Variants in CAMSAP1 observed in about 807,000 individuals in gnomAD.
The protein encoded by CAMSAP1 is calmodulin regulated spectrin associated protein 1, also known as calmodulin-regulated spectrin-associated protein 1.
A neutral mutation model predicts 143.5 loss-of-function variants in CAMSAP1; 58 were observed. The observed-to-expected ratio is 0.40, with a 90% CI of 0.33 to 0.50. CAMSAP1 has a LOEUF of 0.50. Among genes scored for constraint, CAMSAP1 ranks in the 20% least tolerant of loss-of-function variants. CAMSAP1 has a pLI of 0.45. For synonymous variants in CAMSAP1, 945 were observed against 859.3 expected, an observed-to-expected ratio of 1.10 and a Z score of -1.74; for missense variants, 1,969 against 2,115.7, an observed-to-expected ratio of 0.93 and a Z score of 1.36.
chr9:135,886,061 TA>T (rs35789822), intron 1 of CAMSAP1, among the ~76,000 whole-genome samples: 50,912 of 145,938 alleles, frequency 0.35, 9,166 homozygotes, highest in Non-Finnish European at 0.43. Context: ...AATACCTACT[TA>T]AAAAAAAAAA....
At chr9:135,849,033 G>A (rs1836676777) in intron 7 of CAMSAP1, among the ~76,000 whole-genome samples, 1 of 152,242 alleles carries the variant, frequency 6.6e-6, no homozygotes, top group African/African-American at 2.4e-5. Context: ...TATATCTGGA[G>A]GATATATACC....
At chr9:135,862,638 G>C (rs1837239852) in intron 4 of CAMSAP1, 30 bp from the exon 5 acceptor site, 1 of 1,550,414 alleles carries the variant, frequency 6.4e-7, no homozygotes, top group Non-Finnish European at 8.7e-7. Context: ...AACGGTCTCT[G>C]CATGTGATGT....
In CAMSAP1 at chr9:135,818,928, C is replaced by G; in HGVS notation, c.3959+82G>C. Reference sequence around the variant, plus strand: ...GGCACTCATTGCCATGGTCCATGCTCAGTGCCAGCAACGGGACCGGGGCCG... The same window carrying G: ...GGCACTCATTGCCATGGTCCATGCTGAGTGCCAGCAACGGGACCGGGGCCG... On this transcript the variant is annotated intron_variant, in intron 12 of 16. Coordinates refer to ENST00000389532, the MANE Select transcript of CAMSAP1 (RefSeq NM_015447.4). This position sits in a 1 kb window ranked among gnomAD's most constrained non-coding sequence, Gnocchi z 7.7. 4 of 1,544,472 alleles carry G rather than the reference C, an allele frequency of 2.6e-6. No homozygotes were observed. The highest frequency in any genetic ancestry group is 3.5e-6 in the Non-Finnish European group (4 of 1,149,824).
At chr9:135,827,107 A>G (rs1835702003) in intron 8 of CAMSAP1, among the ~76,000 whole-genome samples, 1 of 152,184 alleles carries the variant, frequency 6.6e-6, no homozygotes, top group African/African-American at 2.4e-5. Context: ...TCAACTTTCT[A>G]ATCTTTAGAT....
chr9:135,844,609 C>G (rs796731344), intron 7 of CAMSAP1, among the ~76,000 whole-genome samples: 8 of 152,060 alleles, frequency 5.3e-5, no homozygotes, highest in African/African-American at 1.9e-4. Flanking sequence ...GATTAACAAA[C>G]TAGACTGCTA....
chr9:135,817,917 C>A, intron 14 of CAMSAP1, 60 bp downstream of exon 14: 1 of 1,384,332 alleles, frequency 7.2e-7, no homozygotes, highest in East Asian at 2.3e-5. Context: ...TCAGGAAGTC[C>A]CACCCTGCCC....
At chr9:135,878,788 C>T (rs1837835893) in intron 3 of CAMSAP1, among the ~76,000 whole-genome samples, 1 of 152,142 alleles carries the variant, frequency 6.6e-6, no homozygotes, top group South Asian at 2.1e-4. Context: ...GGTATCGCAT[C>T]CTGCAGTGAG....
At chr9:135,812,587 A>C (rs1041838423) in intron 16 of CAMSAP1, among the ~76,000 whole-genome samples, 1 of 152,102 alleles carries the variant, frequency 6.6e-6, no homozygotes, top group Non-Finnish European at 1.5e-5. Context: ...GGCGGTGGTG[A>C]TGGTTGTGCT....
At chr9:135,861,877 A>ACT (rs1012425139) in intron 5 of CAMSAP1, among the ~76,000 whole-genome samples, 2 of 151,254 alleles carry the variant, frequency 1.3e-5, no homozygotes, top group South Asian at 2.1e-4. Context: ...GGTGACAGTC[A>ACT]CTCTCTCTCT....
At chr9:135,870,148 A>C (rs937037323) in intron 3 of CAMSAP1, among the ~76,000 whole-genome samples, 1 of 152,220 alleles carries the variant, frequency 6.6e-6, no homozygotes, top group African/African-American at 2.4e-5. Context: ...CCCAAATCTT[A>C]TCTCAAACTC....
At chr9:135,905,052 C>T (rs143550571) in intron 1 of CAMSAP1, among the ~76,000 whole-genome samples, 2 of 152,306 alleles carry the variant, frequency 1.3e-5, no homozygotes, top group African/African-American at 2.4e-5. Context: ...AGGGGCACTC[C>T]AGTCTCAGCT....
chr9:135,850,839 G>A (rs1276751066), intron 5 of CAMSAP1, among the ~76,000 whole-genome samples: 1 of 152,202 alleles, frequency 6.6e-6, no homozygotes, highest in African/African-American at 2.4e-5. Flanking sequence ...CTCTGCACAA[G>A]GTTTCCGTGT....
At chr9:135,840,821 T>C (rs1250663064) in intron 7 of CAMSAP1, among the ~76,000 whole-genome samples, 2 of 152,170 alleles carry the variant, frequency 1.3e-5, no homozygotes. Flanking sequence ...CTGGTCCAAA[T>C]ACTATGCTTT....
At chr9:135,866,260 A>T in intron 4 of CAMSAP1, 196 bp downstream of exon 4, 1 of 545,334 alleles carries the variant, frequency 1.8e-6, no homozygotes. Context: ...CCTTCCCAGG[A>T]GAGGCGGGGC....
chr9:135,857,808 G>A (rs1339846018), intron 5 of CAMSAP1, among the ~76,000 whole-genome samples: 1 of 152,198 alleles, frequency 6.6e-6, no homozygotes, highest in Non-Finnish European at 1.5e-5. Context: ...CTGGGGCAGG[G>A]TGCACCAGGA....
rs560126839 is a variant in CAMSAP1 at position 135,835,356 on chromosome 9, T to C, written c.1046-7772A>G. 2.0e-4 allele frequency among the ~76,000 whole-genome samples: 31 copies of C among 152,088 alleles called. No homozygotes were observed. In the East Asian group the frequency reaches 2.5e-3, roughly 12 times the overall value. On this transcript the variant is annotated intron_variant, in intron 7 of 16. Transcript: ENST00000389532. ...ACACCAGGGCTGTCTGAAGCAACGA[T>C]TGGCGGGGAAGCAATCACCATGGCA...
intron 7 of CAMSAP1, among the ~76,000 whole-genome samples, chr9:135,842,318 C>G (rs1836384511): frequency 6.6e-6 from 1 of 152,106 alleles, no homozygotes; most frequent in South Asian, 2.1e-4. Context: ...TGAAAAGGAA[C>G]AAACAAAGCC....
At position 135,826,720 on chromosome 9, in the gene CAMSAP1, G is replaced by A. The variant is rs543947510; in HGVS notation, c.1223+687C>T. 6.6e-6 allele frequency among the ~76,000 whole-genome samples: 1 copy of A among 152,264 alleles called. No homozygotes were observed. The highest frequency in any genetic ancestry group is 2.4e-5 in the African/African-American group (1 of 41,534). ...TTAAAAATGTTTCTCCACTTTCGGTGTGCTAACTGGCTCCAGGCTGGCATC... is the reference window on the plus strand; with the variant it reads ...TTAAAAATGTTTCTCCACTTTCGGTATGCTAACTGGCTCCAGGCTGGCATC... On this transcript the variant is annotated intron_variant, in intron 8 of 16. Coordinates refer to ENST00000389532, the MANE Select transcript of CAMSAP1 (RefSeq NM_015447.4). This position sits in a 1 kb window ranked among gnomAD's most constrained non-coding sequence, Gnocchi z 4.4.
At chr9:135,829,229 C>T (rs950202457) in intron 7 of CAMSAP1, among the ~76,000 whole-genome samples, 6 of 152,016 alleles carry the variant, frequency 3.9e-5, no homozygotes, top group African/African-American at 1.2e-4. Context: ...AGGCCAGGCA[C>T]GGTGGCCCAT....
Sources: allele counts gnomAD v4.1 joint callset (sites outside exome capture counted in the v4.1 genomes callset), GRCh38; gene constraint gnomAD v4.1.1; non-coding constraint Gnocchi (gnomAD v3.1); transcripts MANE v1.5; gene names NCBI Gene and HGNC (gene_info 2026-07-23, HGNC 2026-07-21).